CEP41: variants seen among roughly 807,000 people sequenced by gnomAD.
The protein encoded by CEP41 is centrosomal protein 41, also known as centrosomal protein of 41 kDa.
Under a neutral mutation model 44.3 loss-of-function variants are expected in CEP41, and 32 were observed. The observed-to-expected ratio is 0.72, with a 90% confidence interval of 0.54 to 0.97. CEP41 has a LOEUF of 0.97. Among genes scored for constraint, CEP41 ranks in the 50% least tolerant of loss-of-function variants. CEP41 has a pLI of 0.00. For synonymous variants in CEP41, 151 were observed against 168.5 expected (o/e 0.90, Z 0.80); for missense variants, 432 against 455.2 (o/e 0.95, Z 0.46).
chr7:130,395,067 C>T lies in CEP41; in HGVS notation c.*3824G>A, dbSNP rs571724093. On this transcript the variant is annotated 3_prime_UTR_variant, in exon 11 of 11. Coordinates refer to ENST00000223208, the MANE Select transcript of CEP41 (RefSeq NM_018718.3). ...AAACACATAAAATCATGCACCGAATCCTGTTCTGCCTGAATTCAAGGCTGA... is the reference window on the plus strand; with the variant it reads ...AAACACATAAAATCATGCACCGAATTCTGTTCTGCCTGAATTCAAGGCTGA... 4.8e-5 allele frequency: 22 copies of T among 454,090 alleles called. No homozygotes were observed. Among genetic ancestry groups the T allele is most frequent in the African/African-American group, 4.4e-4 (22 of 50,092 alleles). 28.1% of individuals were successfully genotyped at this position (454,090 alleles called of 1,614,324 possible).
intron 2 of CEP41, among the ~76,000 whole-genome samples, chr7:130,423,567 C>CA (rs1797572866): frequency 6.6e-6 from 1 of 152,134 alleles, no homozygotes; most frequent in African/African-American, 2.4e-5. Flanking sequence ...GGCAGTTCCT[C>CA]AAAAAATTAG....
chr7:130,417,451 T>TA, intron 2 of CEP41: 1 of 597,152 alleles, frequency 1.7e-6, no homozygotes. Flanking sequence ...TTCCTGAACT[T>TA]ACTCTTCTAC....
intron 2 of CEP41, among the ~76,000 whole-genome samples, chr7:130,422,201 C>A (rs1342024198): frequency 6.6e-6 from 1 of 152,164 alleles, no homozygotes; most frequent in Non-Finnish European, 1.5e-5. Context: ...GGAGATATCA[C>A]GAAATTCTTG....
chr7:130,397,555 T>C lies in CEP41; in HGVS notation c.*1336A>G, dbSNP rs781954428. 2.2e-4 allele frequency: 100 copies of C among 445,310 alleles called. No individual in the cohort carries two copies. The highest frequency in any genetic ancestry group is 9.1e-4 in the South Asian group (57 of 62,976). The allele number at this position is 445,310 out of a possible 1,614,324, so 27.6% of individuals were successfully genotyped here. On this transcript the variant is annotated 3_prime_UTR_variant, in exon 11 of 11. Transcript: ENST00000223208. Reference sequence around the variant, plus strand: ...TTTTGGTGGCGAGAAAATAGTACTGTTAAGGCAAATCTTACCCCGTAGCAG... The same window carrying C: ...TTTTGGTGGCGAGAAAATAGTACTGCTAAGGCAAATCTTACCCCGTAGCAG...
At chr7:130,440,802 CCG>C (rs2117738746) in intron 1 of CEP41, 130 bp downstream of exon 1, 3 of 761,880 alleles carry the variant, frequency 3.9e-6, no homozygotes, top group South Asian at 1.4e-5. Context: ...CCCCTGCATC[CCG>C]ACCCCTCCTC....
chr7:130,421,628 G>C, intron 2 of CEP41: 1 of 1,017,554 alleles, frequency 9.8e-7, no homozygotes, highest in East Asian at 8.3e-5. Context: ...GGAATGAATA[G>C]TTTGTCTAGA....
chr7:130,394,207 C>T lies in CEP41; in HGVS notation c.*4684G>A, dbSNP rs1261866779. On this transcript the variant is annotated 3_prime_UTR_variant, in exon 11 of 11. Transcript: ENST00000223208. ...AGAGCGGAGTGGCTGAAAGAACACC[C>T]TCTGGAGCCACAGTTCTCAGGCTGG... 13 of 453,948 alleles carry T rather than the reference C, an allele frequency of 2.9e-5. No homozygotes were observed. Among genetic ancestry groups the T allele is most frequent in the African/African-American group, 2.4e-4 (12 of 50,000 alleles). The allele number at this position is 453,948 out of a possible 1,614,324, so 28.1% of individuals were successfully genotyped here.
At chr7:130,416,807 C>G in intron 3 of CEP41, 112 bp downstream of exon 3, 1 of 864,650 alleles carries the variant, frequency 1.2e-6, no homozygotes, top group Admixed American at 1.7e-5. Flanking sequence ...CTTATCGGAC[C>G]ATCCATAGCT....
chr7:130,409,442 T>G (rs1282187853), intron 5 of CEP41, among the ~76,000 whole-genome samples: 2 of 152,228 alleles, frequency 1.3e-5, no homozygotes, highest in African/African-American at 2.4e-5. Flanking sequence ...AGACTCAAAT[T>G]ATCTCTGCTA....
At position 130,419,207 on chromosome 7, in the gene CEP41, C is replaced by T. The variant is rs569854010; in HGVS notation, c.98-2241G>A. Reference sequence around the variant, plus strand: ...TACAAATATTTGGTGAAATTCAGACCAAATCTGAGAGGACTACTGATGAGT... The same window carrying T: ...TACAAATATTTGGTGAAATTCAGACTAAATCTGAGAGGACTACTGATGAGT... On this transcript the variant is annotated intron_variant, in intron 2 of 10. Coordinates refer to ENST00000223208, the MANE Select transcript of CEP41 (RefSeq NM_018718.3). The T allele has an allele frequency of 1.9e-5, 19 of 985,296 alleles. No individual in the cohort carries two copies. In the African/African-American group the frequency reaches 2.4e-4, roughly 13 times the overall value. The allele number at this position is 985,296 out of a possible 1,614,324, so 61.0% of individuals were successfully genotyped here. A position where few individuals can be genotyped will look rare whatever the true frequency, so the allele number is the denominator to read the frequency against.
rs1230699582 is a variant in CEP41, at chr7:130,396,319, C to T, written c.*2572G>A. On this transcript the variant is annotated 3_prime_UTR_variant, in exon 11 of 11. Transcript: ENST00000223208. ...TGTTGAAGGTGGCTTCAGTCCCAGCCTGAGCAGGAAAAGAAATCCAGGCTT... is the reference window on the plus strand; with the variant it reads ...TGTTGAAGGTGGCTTCAGTCCCAGCTTGAGCAGGAAAAGAAATCCAGGCTT... 4.4e-6 allele frequency: 2 copies of T among 453,910 alleles called. No individual in the cohort carries two copies. Among genetic ancestry groups the T allele is most frequent in the Non-Finnish European group, 8.8e-6 (2 of 226,778 alleles). The allele number at this position is 453,910 out of a possible 1,614,324, so 28.1% of individuals were successfully genotyped here.
intron 1 of CEP41, chr7:130,440,725 G>C: frequency 1.6e-6 from 1 of 627,168 alleles, no homozygotes; most frequent in Non-Finnish European, 2.8e-6. Context: ...GCGTACGCGG[G>C]GAGAGATCGC....
At chr7:130,401,554 A>G (rs1796843645) in intron 8 of CEP41, among the ~76,000 whole-genome samples, 1 of 152,194 alleles carries the variant, frequency 6.6e-6, no homozygotes, top group South Asian at 2.1e-4. Context: ...AAAAATTAAA[A>G]TTTTAAAGGA....
chr7:130,420,127 G>A (rs1797458895), intron 2 of CEP41: 1 of 932,204 alleles, frequency 1.1e-6, no homozygotes, highest in Non-Finnish European at 1.3e-6. Context: ...TTCCGGACCA[G>A]CCTGGGCAAA....
intron 4 of CEP41, 153 bp downstream of exon 4, chr7:130,412,026 C>A: frequency 1.3e-5 from 9 of 705,932 alleles, no homozygotes; most frequent in Non-Finnish European, 2.1e-5. Context: ...TGAACACACA[C>A]ACCACATACC....
intron 2 of CEP41, chr7:130,420,880 A>C (rs1193935388): frequency 1.1e-6 from 1 of 936,204 alleles, no homozygotes. Flanking sequence ...TTATAATGCA[A>C]ATACTTCCCA....
intron 1 of CEP41, among the ~76,000 whole-genome samples, chr7:130,428,321 G>A (rs1554424214): frequency 6.6e-6 from 1 of 151,446 alleles, no homozygotes; most frequent in African/African-American, 2.4e-5. Context: ...CTACTCGGGA[G>A]GCCGAGGCAG....
intron 2 of CEP41, chr7:130,426,859 A>G (rs1432266434): frequency 8.1e-5 from 21 of 259,082 alleles, no homozygotes. Context: ...ACTCCGAATA[A>G]ATCACAAAAT....
intron 1 of CEP41, among the ~76,000 whole-genome samples, chr7:130,440,107 T>C (rs10241859): frequency 0.4 from 59,893 of 150,884 alleles, 12,389 homozygotes; most frequent in East Asian, 0.66. Context: ...GGAACCTCCA[T>C]CTCCTGGGTT....
Sources: allele counts gnomAD v4.1 joint callset (sites outside exome capture counted in the v4.1 genomes callset), GRCh38; gene constraint gnomAD v4.1.1; transcripts MANE v1.5; gene names NCBI Gene and HGNC (gene_info 2026-07-23, HGNC 2026-07-21).